The following OTUD7A variants were observed in gnomAD, a reference collection of about 807,000 sequenced individuals.
OTUD7A encodes the protein OTU deubiquitinase 7A.
OTUD7A carries 12 observed loss-of-function variants against 65.7 expected under a neutral mutation model. That is an observed-to-expected ratio of 0.18 (90% CI 0.12 to 0.30). OTUD7A has a LOEUF of 0.30. Among genes scored for constraint, OTUD7A ranks in the 10% least tolerant of loss-of-function variants. The pLI is 1.00. For missense variants in OTUD7A, 1,148 were observed against 1,304.8 expected, an observed-to-expected ratio of 0.88 and a Z score of 1.85; for synonymous variants, 641 against 586.3, an observed-to-expected ratio of 1.09 and a Z score of -1.35.
intron 1 of OTUD7A, among the ~76,000 whole-genome samples, chr15:31,668,462 G>A (rs1892379021): frequency 6.6e-6 from 1 of 152,076 alleles, no homozygotes; most frequent in African/African-American, 2.4e-5. Context: ...AAAGCATTTT[G>A]CATTTCTATA....
At chr15:31,586,017 G>A (rs1282982632) in intron 3 of OTUD7A, among the ~76,000 whole-genome samples, 1 of 152,228 alleles carries the variant, frequency 6.6e-6, no homozygotes, top group Non-Finnish European at 1.5e-5. Context: ...AGAAAGGCAG[G>A]TAGGGTCAGG....
intron 8 of OTUD7A, among the ~76,000 whole-genome samples, chr15:31,519,709 C>A (rs947802672): frequency 9.2e-5 from 14 of 152,204 alleles, no homozygotes; most frequent in Admixed American, 6.5e-5. Context: ...GGAGTCAGAT[C>A]ATCCCTGTTT....
At chr15:31,768,869 T>C (rs1403378606) in intron 1 of OTUD7A, among the ~76,000 whole-genome samples, 1 of 151,396 alleles carries the variant, frequency 6.6e-6, no homozygotes, top group Non-Finnish European at 1.5e-5. Flanking sequence ...CCAAAAAGCA[T>C]ACAAAGAGAA....
intron 1 of OTUD7A, among the ~76,000 whole-genome samples, chr15:31,784,656 G>A (rs1190663033): frequency 6.6e-6 from 1 of 152,010 alleles, no homozygotes; most frequent in Admixed American, 6.6e-5. Context: ...AGAATGTAAG[G>A]GAACCTGACA....
At position 31,850,806 on chromosome 15, in the gene OTUD7A, T is replaced by C. The variant is rs116523018; in HGVS notation, c.-100+19701A>G. Among the ~76,000 whole-genome samples, 1,068 of 152,278 alleles carry C rather than the reference T, an allele frequency of 7.0e-3. 15 individuals carry two copies. Among genetic ancestry groups the C allele is most frequent in the African/African-American group, 0.025 (1,028 of 41,542 alleles). On this transcript the variant is annotated intron_variant, in intron 1 of 12. Coordinates refer to ENST00000307050, the MANE Select transcript of OTUD7A (RefSeq NM_001382637.1). ...TAACATGCAAAGCGGCCCATGGTAC[T>C]CTTGGAGGCCTGACAGAAGCAAATA...
At chr15:31,676,277 T>C (rs1892593363) in intron 1 of OTUD7A, among the ~76,000 whole-genome samples, 1 of 152,094 alleles carries the variant, frequency 6.6e-6, no homozygotes, top group African/African-American at 2.4e-5. Flanking sequence ...CCCTTCCTTA[T>C]TGCCAACAGA....
chr15:31,864,772 C>CACA (rs1454784801), intron 1 of OTUD7A, among the ~76,000 whole-genome samples: 1 of 151,580 alleles, frequency 6.6e-6, no homozygotes, highest in African/African-American at 2.4e-5. Context: ...CACACACACA[C>CACA]ACACACACAC....
chr15:31,590,750 T>C (rs1889699269), intron 3 of OTUD7A, among the ~76,000 whole-genome samples: 1 of 152,144 alleles, frequency 6.6e-6, no homozygotes, highest in Non-Finnish European at 1.5e-5. Context: ...ATGATGCAAA[T>C]ATATGGTAAA....
chr15:31,804,763 C>G (rs1359955462), intron 1 of OTUD7A, among the ~76,000 whole-genome samples: 1 of 152,176 alleles, frequency 6.6e-6, no homozygotes, highest in Non-Finnish European at 1.5e-5. Context: ...CTGGAAATCA[C>G]CTGCTGATGC....
chr15:31,753,713 T>TAATATATAACCTGTG (rs1894720148), intron 1 of OTUD7A, among the ~76,000 whole-genome samples: 3 of 114,628 alleles, frequency 2.6e-5, no homozygotes, highest in African/African-American at 1.4e-4. Flanking sequence ...TATATATATA[T>TAATATATAACCTGTG]ATATATATTA....
At chr15:31,756,079 A>G (rs1894804245) in intron 1 of OTUD7A, among the ~76,000 whole-genome samples, 1 of 152,206 alleles carries the variant, frequency 6.6e-6, no homozygotes, top group African/African-American at 2.4e-5. Flanking sequence ...CCCCTTGCCC[A>G]GTCTTGCCCC....
chr15:31,510,593 ATATC>A (rs1167342971), intron 8 of OTUD7A, among the ~76,000 whole-genome samples: 4 of 71,996 alleles, frequency 5.6e-5, no homozygotes, highest in East Asian at 1.0e-3. Flanking sequence ...ATACATATGT[ATATC>A]TATATGTAAC....
intron 1 of OTUD7A, among the ~76,000 whole-genome samples, chr15:31,866,763 C>A (rs1303896429): frequency 6.6e-6 from 1 of 152,170 alleles, no homozygotes; most frequent in South Asian, 2.1e-4. Context: ...CATGTAGTGG[C>A]GCTTCCCCTT....
chr15:31,625,604 A>C (rs34398864), intron 3 of OTUD7A, among the ~76,000 whole-genome samples: 7,989 of 152,240 alleles, frequency 0.052, 405 homozygotes, highest in African/African-American at 0.14. Flanking sequence ...CTCAACATAC[A>C]TCTGCCTATG....
Position 31,501,680 on chromosome 15 carries a change from A to ACAGG in OTUD7A, c.1171+6_1171+9dup. 1 of 1,614,092 alleles carries ACAGG rather than the reference A, an allele frequency of 6.2e-7. No homozygotes were observed. The highest frequency in any genetic ancestry group is 8.5e-7 in the Non-Finnish European group (1 of 1,180,004). On this transcript the variant is annotated intron_variant, in intron 10 of 12. Transcript: ENST00000307050. Reference sequence around the variant, plus strand: ...GCTCCTGCGTGCACTCTCTTGGGAGACAGGCATACCTTGTTCTCTTTGCTG... The same window carrying ACAGG: ...GCTCCTGCGTGCACTCTCTTGGGAGACAGGCAGGCATACCTTGTTCTCTTTGCTG...
chr15:31,786,078 C>A (rs979911089), intron 1 of OTUD7A, among the ~76,000 whole-genome samples: 4 of 152,134 alleles, frequency 2.6e-5, no homozygotes, highest in African/African-American at 7.2e-5. Context: ...CCTGAGCCAG[C>A]ACGCTCAGCC....
chr15:31,487,609 C>G lies in OTUD7A; in HGVS notation c.1172-43G>C, dbSNP rs373333006. Reference sequence around the variant, plus strand: ...GAGCCGTGCTTGGAGCCCCGGCAGTCCCCAGGCAGGATGGCAAGGAAATTC... The same window carrying G: ...GAGCCGTGCTTGGAGCCCCGGCAGTGCCCAGGCAGGATGGCAAGGAAATTC... On this transcript the variant is annotated intron_variant, in intron 10 of 12. Transcript: ENST00000307050. This position sits in a 1 kb window ranked among gnomAD's most constrained non-coding sequence, Gnocchi z 6.0. The G allele has an allele frequency of 3.9e-6, 6 of 1,536,564 alleles. No individual in the cohort carries two copies. The highest frequency in any genetic ancestry group is 2.8e-5 in the African/African-American group (2 of 72,690).
intron 1 of OTUD7A, among the ~76,000 whole-genome samples, chr15:31,737,868 T>C (rs778324982): frequency 1.3e-5 from 2 of 152,206 alleles, no homozygotes; most frequent in Non-Finnish European, 2.9e-5. Flanking sequence ...TTCAGAATCA[T>C]ATGTATTGTA....
chr15:31,686,281 C>T (rs1892834651), intron 1 of OTUD7A, among the ~76,000 whole-genome samples: 1 of 152,270 alleles, frequency 6.6e-6, no homozygotes, highest in African/African-American at 2.4e-5. Flanking sequence ...TTTGCCTTGG[C>T]TTCCAGCCAC....
Sources: gnomAD v4.1 joint callset for allele counts (sites outside exome capture counted in the v4.1 genomes callset) on GRCh38, gnomAD v4.1.1 for gene constraint, Gnocchi (gnomAD v3.1) non-coding constraint, MANE v1.5 for transcripts, NCBI Gene and HGNC (gene_info 2026-07-23, HGNC 2026-07-21) for gene names.